The following PPFIA2 variants were observed in gnomAD, a reference collection of about 807,000 sequenced individuals.
PPFIA2 encodes PPFI scaffold protein A2.
PPFIA2 carries 46 observed loss-of-function variants against 175.5 expected under a neutral mutation model. That is an observed-to-expected ratio of 0.26 (90% CI 0.21 to 0.34). The LOEUF is 0.34. PPFIA2 is among the 10% of genes least tolerant of loss of function. PPFIA2 has a pLI of 1.00. For missense variants in PPFIA2, 1,179 were observed against 1,506.1 expected (o/e 0.78, Z 3.60); for synonymous variants, 568 against 511.4 (o/e 1.11, Z -1.49).
chr12:81,407,899 A>T (rs2043217134), intron 7 of PPFIA2, among the ~76,000 whole-genome samples: 1 of 152,190 alleles, frequency 6.6e-6, no homozygotes, highest in African/African-American at 2.4e-5. Flanking sequence ...TCATTTGCTT[A>T]TTTATTTAGC....
chr12:81,445,382 C>A (rs2145268450), intron 6 of PPFIA2, among the ~76,000 whole-genome samples, 174 bp downstream of exon 6: 1 of 152,184 alleles, frequency 6.6e-6, no homozygotes, highest in Non-Finnish European at 1.5e-5. Context: ...ATGAATATTA[C>A]CAACATCCAC....
intron 7 of PPFIA2, among the ~76,000 whole-genome samples, chr12:81,437,840 T>A (rs772799206): frequency 6.6e-6 from 1 of 151,952 alleles, no homozygotes; most frequent in Non-Finnish European, 1.5e-5. Flanking sequence ...ATCAACCCCA[T>A]CTCTTTCAAA....
At chr12:81,651,103 T>C (rs1393939433) in intron 4 of PPFIA2, among the ~76,000 whole-genome samples, 1 of 152,170 alleles carries the variant, frequency 6.6e-6, no homozygotes, top group African/African-American at 2.4e-5. Flanking sequence ...ATGTACTAAT[T>C]TGAGGAATCT....
At chr12:81,407,102 C>T (rs1334763395) in intron 7 of PPFIA2, among the ~76,000 whole-genome samples, 1 of 152,194 alleles carries the variant, frequency 6.6e-6, no homozygotes, top group Admixed American at 6.5e-5. Flanking sequence ...CACGCTTACT[C>T]TTGTTCATCT....
At chr12:81,641,375 C>A (rs1005062760) in intron 4 of PPFIA2, among the ~76,000 whole-genome samples, 2 of 152,118 alleles carry the variant, frequency 1.3e-5, no homozygotes, top group African/African-American at 4.8e-5. Flanking sequence ...CAGATTACAG[C>A]AAATTACAAA....
At position 81,676,652 on chromosome 12, in the gene PPFIA2, C is replaced by A; in HGVS notation, c.303+139G>T. 5 of 500,492 alleles carry A rather than the reference C, an allele frequency of 1.0e-5. No individual in the cohort carries two copies. In the East Asian group the frequency reaches 1.8e-4, roughly 18 times the overall value. 31.0% of individuals were successfully genotyped at this position (500,492 alleles called of 1,614,324 possible). On this transcript the variant is annotated intron_variant, in intron 4 of 32. Coordinates refer to ENST00000549396, the MANE Select transcript of PPFIA2 (RefSeq NM_003625.5). ...CACACCTCAAAGCAATTTCATACTT[C>A]TGTTATTAGTTTCTATAATAGCTGT...
intron 4 of PPFIA2, among the ~76,000 whole-genome samples, chr12:81,649,189 A>C (rs915373687): frequency 3.3e-5 from 5 of 152,294 alleles, no homozygotes; most frequent in Admixed American, 6.5e-5. Context: ...CAGATAAAAT[A>C]TTTATAAAAC....
intron 3 of PPFIA2, among the ~76,000 whole-genome samples, chr12:81,707,305 G>T: frequency 6.6e-6 from 1 of 151,718 alleles, no homozygotes; most frequent in South Asian, 2.1e-4. Context: ...AATCTACAAT[G>T]AACTCAAACA....
At chr12:81,284,589 G>A (rs1027565541) in intron 24 of PPFIA2, among the ~76,000 whole-genome samples, 3 of 152,126 alleles carry the variant, frequency 2.0e-5, no homozygotes, top group African/African-American at 4.8e-5. Context: ...ATCAAAATTT[G>A]CATTTCAATG....
chr12:81,304,185 A>T (rs74103952), intron 22 of PPFIA2, among the ~76,000 whole-genome samples: 3,491 of 152,104 alleles, frequency 0.023, 143 homozygotes, highest in African/African-American at 0.081. Flanking sequence ...GTACTAAGCA[A>T]TTTTCTCTAT....
At chr12:81,472,680 T>C (rs1049683149) in intron 4 of PPFIA2, 1 of 152,172 alleles carries the variant, frequency 6.6e-6, no homozygotes, top group Non-Finnish European at 1.5e-5. Flanking sequence ...TTAACATCAA[T>C]AGCATTTATT....
intron 7 of PPFIA2, among the ~76,000 whole-genome samples, chr12:81,413,594 T>C (rs2044389053): frequency 6.6e-6 from 1 of 151,794 alleles, no homozygotes; most frequent in Admixed American, 6.6e-5. Flanking sequence ...ATGAAAGTCA[T>C]CAAGAGTTGT....
intron 7 of PPFIA2, among the ~76,000 whole-genome samples, chr12:81,419,364 T>A (rs1325369789): frequency 2.6e-5 from 4 of 152,108 alleles, no homozygotes; most frequent in Non-Finnish European, 4.4e-5. Flanking sequence ...TATAAAGTAC[T>A]TACAAGAGAA....
At chr12:81,713,799 C>G (rs2078248396) in intron 3 of PPFIA2, among the ~76,000 whole-genome samples, 1 of 151,284 alleles carries the variant, frequency 6.6e-6, no homozygotes, top group African/African-American at 2.4e-5. Flanking sequence ...GTGTCTGTAA[C>G]TATTCCCATC....
chr12:81,484,750 C>A (rs1347390793), intron 4 of PPFIA2, among the ~76,000 whole-genome samples: 1 of 151,836 alleles, frequency 6.6e-6, no homozygotes. Flanking sequence ...TGTTAAATAT[C>A]TTTCATTAAA....
intron 4 of PPFIA2, among the ~76,000 whole-genome samples, chr12:81,544,177 T>C (rs1352837697): frequency 1.3e-5 from 2 of 152,182 alleles, no homozygotes; most frequent in Non-Finnish European, 2.9e-5. Context: ...ATGCTTTCTG[T>C]GCTATCTTCA....
At chr12:81,345,518 T>C (rs1390994505) in intron 18 of PPFIA2, among the ~76,000 whole-genome samples, 3 of 151,952 alleles carry the variant, frequency 2.0e-5, no homozygotes, top group Non-Finnish European at 4.4e-5. Context: ...CACAATCACA[T>C]CTAAAGGATT....
intron 4 of PPFIA2, among the ~76,000 whole-genome samples, chr12:81,459,522 G>T (rs1265907120): frequency 6.6e-6 from 1 of 152,076 alleles, no homozygotes; most frequent in Non-Finnish European, 1.5e-5. Flanking sequence ...TCTCTAGGCA[G>T]TGAAATTATG....
At chr12:81,675,812 C>T (rs1015709699) in intron 4 of PPFIA2, among the ~76,000 whole-genome samples, 2 of 152,020 alleles carry the variant, frequency 1.3e-5, no homozygotes, top group Non-Finnish European at 2.9e-5. Context: ...TAAATACAAG[C>T]AGCTGTCTGC....
Sources: gnomAD v4.1 joint callset for allele counts (sites outside exome capture counted in the v4.1 genomes callset) on GRCh38, gnomAD v4.1.1 for gene constraint, MANE v1.5 for transcripts, NCBI Gene and HGNC (gene_info 2026-07-23, HGNC 2026-07-21) for gene names.